Variants in NOP14 observed in about 807,000 individuals in gnomAD.
The protein encoded by NOP14 is nucleolar protein 14.
NOP14 carries 57 observed loss-of-function variants against 101.6 expected under a neutral mutation model. That is an observed-to-expected ratio of 0.56 (90% confidence interval 0.45 to 0.70). The LOEUF is 0.70. Ranked by LOEUF, NOP14 falls within the 30% of genes least tolerant of loss-of-function variation. NOP14 has a pLI of 0.00. For missense variants in NOP14, 1,134 were observed against 1,075.5 expected, an observed-to-expected ratio of 1.05 and a Z score of -0.76; for synonymous variants, 428 against 424.0, an observed-to-expected ratio of 1.01 and a Z score of -0.12.
At chr4:2,942,056 G>A (rs967178440) in intron 14 of NOP14, 136 bp downstream of exon 14, 1 of 812,434 alleles carries the variant, frequency 1.2e-6, no homozygotes, top group African/African-American at 1.7e-5. Context: ...GCCTCAGAAA[G>A]GCTTTCGGCC....
Position 2,944,073 on chromosome 4 carries a change from C to T in NOP14, c.1891G>A (p.Gly631Ser). 1 of 1,604,908 alleles carries T rather than the reference C, an allele frequency of 6.2e-7. No individual in the cohort carries two copies. The highest frequency in any genetic ancestry group is 8.5e-7 in the Non-Finnish European group (1 of 1,176,540). Residue 631 changes from glycine to serine, a missense_variant and splice_region_variant, in exon 13 of 18, where the codon GGT (glycine) becomes AGT (serine). Transcript: ENST00000416614. Reference protein sequence around the residue: ...YIATPNKASQGSTLVHPFRAL... With the variant: ...YIATPNKASQSSTLVHPFRAL... ...AGGAACCTCCCTCAAATCAACTCAC[C>T]TTGGCTTGCTTTGTTTGGAGTTGCT...
intron 10 of NOP14, 73 bp from the exon 11 acceptor site, chr4:2,946,620 T>C: frequency 7.0e-7 from 1 of 1,437,094 alleles, no homozygotes; most frequent in Admixed American, 1.7e-5. Flanking sequence ...TGCAAGCCAC[T>C]TTCCTATGCA....
At position 2,942,347 on chromosome 4, in the gene NOP14, G is replaced by A; in HGVS notation, c.1896C>T (p.Ser632=). The part of the protein sequence containing the change: ...IATPNKASQG[S]TLVHPFRALG... ...GCGCTCTGAAAGGGTGCACCAGAGT[G>A]GAACCTGAATTCCAAGTGCGACAGG... The change falls in exon 14 of 18, where the codon TCC becomes TCT. Residue 632 remains serine, a synonymous_variant. Coordinates refer to ENST00000416614, the MANE Select transcript of NOP14 (RefSeq NM_001291978.2). 1 of 1,613,100 alleles carries A rather than the reference G, an allele frequency of 6.2e-7. No homozygotes were observed. The highest frequency in any genetic ancestry group is 1.1e-5 in the South Asian group (1 of 91,014).
chr4:2,955,059 G>A (rs1374039594), intron 3 of NOP14, among the ~76,000 whole-genome samples: 1 of 136,850 alleles, frequency 7.3e-6, no homozygotes, highest in East Asian at 2.2e-4. Context: ...CTAGTCACCT[G>A]CACGCCACGG....
At position 2,963,387 on chromosome 4, in the gene NOP14, A is replaced by G; in HGVS notation, c.-68T>C. 4 of 1,427,636 alleles carry G rather than the reference A, an allele frequency of 2.8e-6. No individual in the cohort carries two copies. Among genetic ancestry groups the G allele is most frequent in the South Asian group, 1.4e-5 (1 of 72,944 alleles). The allele number at this position is 1,427,636 out of a possible 1,614,324, so 88.4% of individuals were successfully genotyped here. ...AGACAGGCGCGCGCTACCCTAAGAC[A>G]CGTGCCGGGCCGCGGAACCGCTTCC... On this transcript the variant is annotated 5_prime_UTR_variant, in exon 1 of 18. Coordinates refer to ENST00000416614, the MANE Select transcript of NOP14 (RefSeq NM_001291978.2).
chr4:2,947,623 T>C lies in NOP14; in HGVS notation c.1414-12A>G, dbSNP rs1359444959. The C allele has an allele frequency of 8.1e-6, 13 of 1,609,934 alleles. No individual in the cohort carries two copies. Among genetic ancestry groups the C allele is most frequent in the East Asian group, 2.2e-5 (1 of 44,876 alleles). On this transcript the variant is annotated splice_polypyrimidine_tract_variant and intron_variant, in intron 9 of 17. Coordinates refer to ENST00000416614, the MANE Select transcript of NOP14 (RefSeq NM_001291978.2). ...AAGCCAAACAGTTTCTGCAGGAACA[T>C]GAATTGGGAAATAAAGCTCAGTGCT...
In NOP14 at chr4:2,938,780, T is replaced by C. The variant is rs540460756; in HGVS notation, c.*51A>G. The C allele has an allele frequency of 9.5e-6, 14 of 1,468,452 alleles. No individual in the cohort carries two copies. Among genetic ancestry groups the C allele is most frequent in the South Asian group, 4.6e-5 (4 of 86,386 alleles). The allele number at this position is 1,468,452 out of a possible 1,614,324, so 91.0% of individuals were successfully genotyped here. A position where few individuals can be genotyped will look rare whatever the true frequency, so the allele number is the denominator to read the frequency against. ...GCCTTGGCCTCCCAGAGGGTTGGAA[T>C]TGCAGATGTGAGGTAATGTCCAGTT... On this transcript the variant is annotated 3_prime_UTR_variant, in exon 18 of 18. Coordinates refer to ENST00000416614, the MANE Select transcript of NOP14 (RefSeq NM_001291978.2).
chr4:2,945,678 G>A (rs1360087444), intron 11 of NOP14, among the ~76,000 whole-genome samples: 2 of 152,180 alleles, frequency 1.3e-5, no homozygotes, highest in Admixed American at 1.3e-4. Flanking sequence ...AAATCTCAGC[G>A]TACAAATGTC....
rs373681492 is a variant in NOP14 at position 2,949,920 on chromosome 4, G to A, written c.1282+14C>T. The A allele has an allele frequency of 4.2e-5, 68 of 1,613,678 alleles. No individual in the cohort carries two copies. Among genetic ancestry groups the A allele is most frequent in the African/African-American group, 1.1e-4 (8 of 74,886 alleles). ...GTTATCCCAGAACCTGAGGAAACCC[G>A]CGCACTTGCCCACCTGCGAACGTGT... On this transcript the variant is annotated intron_variant, in intron 8 of 17. Transcript: ENST00000416614.
Position 2,941,690 on chromosome 4 carries a change from G to T in NOP14, c.2091C>A (p.Arg697=). ...GCAGGGACCCGTACATGAGCACGCAGCGCTTCAGCAGGGCCAGGCCCACAG... is the reference window on the plus strand; with the variant it reads ...GCAGGGACCCGTACATGAGCACGCATCGCTTCAGCAGGGCCAGGCCCACAG... ...CLAVGLALLK[R]CVLMYGSLPS... is the part of the protein sequence containing the mutation. The change falls in exon 15 of 18, where the codon CGC becomes CGA. Residue 697 remains arginine (R), a synonymous_variant. Transcript: ENST00000416614. The T allele has an allele frequency of 6.2e-7, 1 of 1,613,202 alleles. No homozygotes were observed. The highest frequency in any genetic ancestry group is 1.1e-5 in the South Asian group (1 of 90,734).
chr4:2,951,783 G>T (rs1481490834), intron 6 of NOP14, among the ~76,000 whole-genome samples: 2 of 152,138 alleles, frequency 1.3e-5, no homozygotes, highest in Non-Finnish European at 2.9e-5. Context: ...AGGCAACATA[G>T]GGAGATGCTC....
At chr4:2,940,443 G>C (rs1714072171) in intron 15 of NOP14, 1 of 152,198 alleles carries the variant, frequency 6.6e-6, no homozygotes, top group Non-Finnish European at 1.5e-5. Context: ...GAGACCATGA[G>C]ACCTGCTGTG....
chr4:2,947,716 G>A (rs558581657), intron 9 of NOP14, 105 bp from the exon 10 acceptor site: 2 of 890,858 alleles, frequency 2.2e-6, no homozygotes, highest in South Asian at 1.4e-5. Context: ...CAACCAGGTG[G>A]GGCAGGGGAG....
chr4:2,952,250 T>C (rs1715072342), intron 6 of NOP14, 25 bp downstream of exon 6: 2 of 1,611,236 alleles, frequency 1.2e-6, no homozygotes, highest in Non-Finnish European at 1.7e-6. Context: ...AGCACAGCCC[T>C]GCTCCTGAGG....
intron 15 of NOP14, chr4:2,940,435 G>C (rs979727761): frequency 6.6e-6 from 1 of 152,230 alleles, no homozygotes; most frequent in Non-Finnish European, 1.5e-5. Context: ...AGTCTACCGA[G>C]ACCATGAGAC....
intron 13 of NOP14, among the ~76,000 whole-genome samples, chr4:2,943,576 G>A (rs977222199): frequency 6.6e-6 from 1 of 152,224 alleles, no homozygotes; most frequent in Non-Finnish European, 1.5e-5. Flanking sequence ...TGCTCTTGCC[G>A]CCCTCGCTCC....
chr4:2,955,795 C>T (rs562361205), intron 3 of NOP14, among the ~76,000 whole-genome samples: 8 of 152,356 alleles, frequency 5.3e-5, no homozygotes, highest in South Asian at 2.1e-4. Context: ...CCCGTGAAGC[C>T]GAGCAGTGGC....
Position 2,952,182 on chromosome 4 carries a change from G to C in NOP14, c.870+93C>G. ...ACTAAAATATTCCACTGATCAAACA[G>C]AGTATTCTCTTCAGCCCATCCTGCA... On this transcript the variant is annotated intron_variant, in intron 6 of 17. Coordinates refer to ENST00000416614, the MANE Select transcript of NOP14 (RefSeq NM_001291978.2). 9 of 1,275,220 alleles carry C rather than the reference G, an allele frequency of 7.1e-6. No individual in the cohort carries two copies. The South Asian group carries it at 1.1e-4, about 16-fold the overall frequency. The allele number at this position is 1,275,220 out of a possible 1,614,324, so 79.0% of individuals were successfully genotyped here. A position where few individuals can be genotyped will look rare whatever the true frequency, so the allele number is the denominator to read the frequency against.
At chr4:2,949,630 A>G (rs1714878594) in intron 8 of NOP14, among the ~76,000 whole-genome samples, 1 of 152,174 alleles carries the variant, frequency 6.6e-6, no homozygotes, top group Admixed American at 6.5e-5. Context: ...CCACCTCCCC[A>G]GCCCTGCCCC....
Sources: gnomAD v4.1 joint callset for allele counts (sites outside exome capture counted in the v4.1 genomes callset) on GRCh38, gnomAD v4.1.1 for gene constraint, MANE v1.5 for transcripts, NCBI Gene and HGNC (gene_info 2026-07-23, HGNC 2026-07-21) for gene names.